SNX9: variants seen among roughly 807,000 people sequenced by gnomAD.
SNX9 encodes sorting nexin 9.
In SNX9, 44 loss-of-function variants were observed where a neutral mutation model predicts 89.4. The ratio of observed to expected loss-of-function variants is 0.49; its 90% CI spans 0.39 to 0.63. The LOEUF (loss-of-function observed/expected upper bound fraction) is 0.63. Ranked by LOEUF, SNX9 falls within the 30% of genes least tolerant of loss-of-function variation. SNX9 has a pLI of 0.00. For synonymous variants in SNX9, 236 were observed against 247.8 expected, an observed-to-expected ratio of 0.95 and a Z score of 0.45; for missense variants, 578 against 736.1, an observed-to-expected ratio of 0.79 and a Z score of 2.49.
chr6:157,913,869 T>C (rs1783403861), intron 9 of SNX9, among the ~76,000 whole-genome samples: 1 of 152,232 alleles, frequency 6.6e-6, no homozygotes, highest in South Asian at 2.1e-4. Context: ...TGTTTAGATA[T>C]ACCATAGCTT....
Position 157,846,054 on chromosome 6 carries a change from C to T in SNX9, c.13-21493C>T, listed in dbSNP as rs569606995. Among the ~76,000 whole-genome samples the T allele has an allele frequency of 1.1e-4, 16 of 152,332 alleles. No individual in the cohort carries two copies. In the South Asian group the frequency reaches 3.1e-3, roughly 30 times the overall value. ...ATTCTGGTGAGAGGCGCCCGTCCTG[C>T]TGTGCAGGTGTCTCTTACGGCCCTC... On this transcript the variant is annotated intron_variant, in intron 1 of 17. Transcript: ENST00000392185.
chr6:157,890,153 T>C (rs1313050207), intron 4 of SNX9, among the ~76,000 whole-genome samples: 2 of 152,212 alleles, frequency 1.3e-5, no homozygotes, highest in Non-Finnish European at 2.9e-5. Flanking sequence ...CTCCACCTAG[T>C]GTACCAGGAT....
Position 157,891,023 on chromosome 6 carries a change from T to TTC in SNX9, c.301-5800_301-5799dup, listed in dbSNP as rs202097194. Among the ~76,000 whole-genome samples, 358 of 147,856 alleles carry TTC rather than the reference T, an allele frequency of 2.4e-3. 5 individuals are homozygous for TTC. Among genetic ancestry groups the TTC allele is most frequent in the African/African-American group, 6.7e-3 (264 of 39,352 alleles). ...TCACATGCTAAAAATTCTTTTTTCT[T>TTC]TCTCTTTTTTTTTTTTTTTTTTTTT... On this transcript the variant is annotated intron_variant, in intron 4 of 17. Transcript: ENST00000392185.
At chr6:157,920,562 C>T (rs1409711574) in intron 9 of SNX9, among the ~76,000 whole-genome samples, 1 of 152,222 alleles carries the variant, frequency 6.6e-6, no homozygotes, top group Non-Finnish European at 1.5e-5. Flanking sequence ...CAGATTTCCA[C>T]CATCGTCGCC....
chr6:157,935,279 A>G lies in SNX9; in HGVS notation c.1367-685A>G, dbSNP rs571124117. On this transcript the variant is annotated intron_variant, in intron 13 of 17. Coordinates refer to ENST00000392185, the MANE Select transcript of SNX9 (RefSeq NM_016224.5). ...TAGAATAGCACCATTTTGCAAACTC[A>G]TACTAAAATAAAAGATCCAGACAAT... 1.2e-4 allele frequency among the ~76,000 whole-genome samples: 18 copies of G among 152,334 alleles called. 1 individual carries two copies. Among genetic ancestry groups the G allele is most frequent in the African/African-American group, 4.1e-4 (17 of 41,580 alleles).
intron 10 of SNX9, among the ~76,000 whole-genome samples, chr6:157,923,911 T>C (rs1410541935): frequency 1.3e-5 from 2 of 152,182 alleles, no homozygotes; most frequent in Non-Finnish European, 2.9e-5. Flanking sequence ...CTGCAGTTGA[T>C]TTTATTAAGG....
At chr6:157,933,294 A>C (rs1036747626) in intron 13 of SNX9, among the ~76,000 whole-genome samples, 3 of 151,808 alleles carry the variant, frequency 2.0e-5, no homozygotes, top group Non-Finnish European at 4.4e-5. Flanking sequence ...ACCCCATCTC[A>C]AGAAAAAAAG....
chr6:157,911,100 G>A (rs980761217), intron 9 of SNX9, among the ~76,000 whole-genome samples: 2 of 147,938 alleles, frequency 1.4e-5, no homozygotes, highest in East Asian at 1.9e-4. Flanking sequence ...GCGACAGAGC[G>A]AGACTCTGTC....
intron 1 of SNX9, among the ~76,000 whole-genome samples, chr6:157,825,821 A>G (rs993875169): frequency 6.6e-6 from 1 of 151,704 alleles, no homozygotes; most frequent in Non-Finnish European, 1.5e-5. Context: ...CTTCCCCCAT[A>G]TGCACACTCC....
chr6:157,835,601 T>C (rs1292884306), intron 1 of SNX9, among the ~76,000 whole-genome samples: 2 of 151,980 alleles, frequency 1.3e-5, no homozygotes, highest in African/African-American at 4.8e-5. Context: ...TTGTAATCGC[T>C]GTAATCTCCA....
At chr6:157,940,294 C>T (rs771682455) in intron 16 of SNX9, among the ~76,000 whole-genome samples, 1 of 152,118 alleles carries the variant, frequency 6.6e-6, no homozygotes, top group Non-Finnish European at 1.5e-5. Flanking sequence ...TCTATTTGAT[C>T]GATTCTGTTA....
chr6:157,915,007 A>G (rs9364690), intron 9 of SNX9, among the ~76,000 whole-genome samples: 32,879 of 151,720 alleles, frequency 0.22, 3,637 homozygotes, highest in Non-Finnish European at 0.23. Flanking sequence ...TTTTTTTCAC[A>G]TCGGGATATC....
intron 5 of SNX9, among the ~76,000 whole-genome samples, chr6:157,901,691 TAAA>T (rs1783100344): frequency 6.6e-6 from 1 of 152,154 alleles, no homozygotes; most frequent in Non-Finnish European, 1.5e-5. Flanking sequence ...TCTTTTGCAC[TAAA>T]AGAATCTGTA....
At chr6:157,871,773 C>CA (rs1782417338) in intron 2 of SNX9, among the ~76,000 whole-genome samples, 1 of 122,208 alleles carries the variant, frequency 8.2e-6, no homozygotes, top group African/African-American at 3.2e-5. Context: ...TCAGTCTTAC[C>CA]TTTTTTTTTT....
In SNX9 at chr6:157,932,263, G is replaced by A; in HGVS notation, c.1357G>A (p.Gly453Ser). ...TTTGGCCACAGTGTTCAGTTCCAGT[G>A]GCTATCAAGGTGCGTCTTTCTTCAT... ...QSLATVFSSS[G>S]YQGETDLNDA... Residue 453 changes from glycine to serine, a missense_variant, in exon 13 of 18, where the codon GGC (glycine) becomes AGC (serine). Coordinates refer to ENST00000392185, the MANE Select transcript of SNX9 (RefSeq NM_016224.5). The A allele has an allele frequency of 1.2e-6, 2 of 1,614,126 alleles. No individual in the cohort carries two copies. The highest frequency in any genetic ancestry group is 1.7e-6 in the Non-Finnish European group (2 of 1,179,988).
At chr6:157,826,748 A>G (rs1208040149) in intron 1 of SNX9, among the ~76,000 whole-genome samples, 1 of 123,496 alleles carries the variant, frequency 8.1e-6, no homozygotes, top group Non-Finnish European at 1.5e-5. Flanking sequence ...TATTTATATT[A>G]TAGGTTTTAT....
At chr6:157,903,106 T>C (rs1170908682) in intron 6 of SNX9, among the ~76,000 whole-genome samples, 2 of 152,218 alleles carry the variant, frequency 1.3e-5, no homozygotes, top group Non-Finnish European at 2.9e-5. Flanking sequence ...GAAGGAGATA[T>C]ATTAGTAATT....
intron 6 of SNX9, 146 bp from the exon 7 acceptor site, chr6:157,905,977 GATTAC>G: frequency 1.7e-6 from 1 of 591,154 alleles, no homozygotes; most frequent in East Asian, 3.2e-5. Flanking sequence ...TGAACAATCT[GATTAC>G]ATTAGGTTTC....
At chr6:157,877,810 G>A (rs1782549342) in intron 4 of SNX9, among the ~76,000 whole-genome samples, 1 of 152,066 alleles carries the variant, frequency 6.6e-6, no homozygotes, top group Admixed American at 6.6e-5. Context: ...CTGAGCCAGT[G>A]TCTCTTTACT....
Sources: allele counts gnomAD v4.1 joint callset (sites outside exome capture counted in the v4.1 genomes callset), GRCh38; gene constraint gnomAD v4.1.1; transcripts MANE v1.5; gene names NCBI Gene and HGNC (gene_info 2026-07-23, HGNC 2026-07-21).